Variants in KRT7 observed in about 807,000 individuals in gnomAD.
KRT7 encodes keratin, type II cytoskeletal 7.
In KRT7, 50 loss-of-function variants were observed where a neutral mutation model predicts 42.8. The ratio of observed to expected loss-of-function variants is 1.17; its 90% confidence interval spans 0.93 to 1.48. The LOEUF is 1.48. Among genes scored for constraint, KRT7 ranks in the 40% most tolerant of loss-of-function variants. The pLI is 0.00. For synonymous variants in KRT7, 268 were observed against 266.3 expected, an observed-to-expected ratio of 1.01 and a Z score of -0.06; for missense variants, 588 against 637.6, an observed-to-expected ratio of 0.92 and a Z score of 0.84.
chr12:52,241,338 C>T lies in KRT7; in HGVS notation c.694-134C>T, dbSNP rs1023628547. 14 of 709,082 alleles carry T rather than the reference C, an allele frequency of 2.0e-5. No individual in the cohort carries two copies. In the Admixed American group the frequency reaches 4.1e-4, roughly 21 times the overall value. 43.9% of individuals were successfully genotyped at this position (709,082 alleles called of 1,614,324 possible). On this transcript the variant is annotated intron_variant, in intron 4 of 8. Transcript: ENST00000331817. ...TAACTTAATGTGTGCTGGGTCTGGG[C>T]CCCCTTGCTGCCTGGTGACTCAGCC...
At chr12:52,245,853 AATG>A in intron 7 of KRT7, 1 of 606,512 alleles carries the variant, frequency 1.6e-6, no homozygotes, top group Non-Finnish European at 2.9e-6. Context: ...GGCAGGTTGA[AATG>A]ATAACAGTCC....
intron 1 of KRT7, among the ~76,000 whole-genome samples, chr12:52,233,873 C>T (rs939325421): frequency 6.6e-6 from 1 of 152,120 alleles, no homozygotes; most frequent in East Asian, 1.9e-4. Context: ...TCCCGGAGTG[C>T]GGGCCTGAGT....
intron 7 of KRT7, 98 bp from the exon 8 acceptor site, chr12:52,248,072 GAAAAATC>G: frequency 8.8e-7 from 1 of 1,131,532 alleles, no homozygotes; most frequent in Non-Finnish European, 1.3e-6. Flanking sequence ...GGGCAAGAAG[GAAAAATC>G]AATGATCCTG....
In KRT7 at chr12:52,237,536, A is replaced by G. The variant is rs1285071448; in HGVS notation, c.564A>G (p.Thr188=). The change falls in exon 3 of 9, where the codon ACA becomes ACG. Residue 188 remains threonine (T), a synonymous_variant. Transcript: ENST00000331817. ...ACGAAGATGAAATTAACCACCGCACAGCTGCTGAGAATGAGTTTGTGGTGC... is the reference window on the plus strand; with the variant it reads ...ACGAAGATGAAATTAACCACCGCACGGCTGCTGAGAATGAGTTTGTGGTGC... The part of the protein sequence containing the change: ...NKYEDEINHR[T]AAENEFVVLK... 2 of 1,612,282 alleles carry G rather than the reference A, an allele frequency of 1.2e-6. No individual in the cohort carries two copies. The highest frequency in any genetic ancestry group is 3.3e-5 in the Admixed American group (2 of 59,866).
chr12:52,241,385 T>C, intron 4 of KRT7, 87 bp from the exon 5 acceptor site: 1 of 1,230,956 alleles, frequency 8.1e-7, no homozygotes, highest in Non-Finnish European at 1.1e-6. Flanking sequence ...GTTCTCTCTT[T>C]TCTTTCCTTT....
chr12:52,252,180 G>C, downstream of KRT7: 1 of 1,521,168 alleles, frequency 6.6e-7, no homozygotes, highest in Non-Finnish European at 9.1e-7. Context: ...ATAATATGCA[G>C]ACATGCTCCT....
intron 4 of KRT7, among the ~76,000 whole-genome samples, chr12:52,239,185 A>G (rs945801661): frequency 2.0e-5 from 3 of 152,260 alleles, no homozygotes; most frequent in East Asian, 1.9e-4. Context: ...TTGCAATCCT[A>G]GTCAGCTCAA....
At chr12:52,242,535 G>A (rs1206634605) in intron 5 of KRT7, among the ~76,000 whole-genome samples, 4 of 152,130 alleles carry the variant, frequency 2.6e-5, no homozygotes, top group Non-Finnish European at 5.9e-5. Context: ...GTCTGCCCCT[G>A]CAGAGATAGA....
chr12:52,252,159 A>G (rs575312826), downstream of KRT7: 20 of 1,436,386 alleles, frequency 1.4e-5, no homozygotes, highest in Non-Finnish European at 1.8e-5. Flanking sequence ...GTTGATGCAC[A>G]TTCCAAGTAA....
At chr12:52,249,441 G>C (rs1258984333), downstream of KRT7, 3 of 152,506 alleles carry the variant, frequency 2.0e-5, no homozygotes, top group Admixed American at 6.6e-5. Flanking sequence ...AGTGGTTGTG[G>C]GGGGGAGGTG....
At position 52,248,842 on chromosome 12, in the gene KRT7, C is replaced by T; in HGVS notation, c.*82C>T. Reference sequence around the variant, plus strand: ...CACCCCTGCCTCCCATGCCTGGTCCCAAGACAGTGAGACAGTCTGGAAAGT... The same window carrying T: ...CACCCCTGCCTCCCATGCCTGGTCCTAAGACAGTGAGACAGTCTGGAAAGT... On this transcript the variant is annotated 3_prime_UTR_variant, in exon 9 of 9. Coordinates refer to ENST00000331817, the MANE Select transcript of KRT7 (RefSeq NM_005556.4). 7.5e-7 allele frequency: 1 copy of T among 1,341,996 alleles called. No individual in the cohort carries two copies. Among genetic ancestry groups the T allele is most frequent in the Non-Finnish European group, 9.9e-7 (1 of 1,010,778 alleles). 83.1% of individuals were successfully genotyped at this position (1,341,996 alleles called of 1,614,324 possible).
chr12:52,238,039 C>T (rs1942034934), intron 3 of KRT7, among the ~76,000 whole-genome samples: 1 of 152,180 alleles, frequency 6.6e-6, no homozygotes, highest in African/African-American at 2.4e-5. Context: ...TTAAGATTCT[C>T]TTCAATACAC....
intron 4 of KRT7, among the ~76,000 whole-genome samples, chr12:52,241,212 G>A (rs941245547): frequency 6.6e-6 from 1 of 152,082 alleles, no homozygotes; most frequent in Non-Finnish European, 1.5e-5. Flanking sequence ...TCACCACAGC[G>A]CACCACACTG....
chr12:52,252,534 A>C, downstream of KRT7: 1 of 1,595,142 alleles, frequency 6.3e-7, no homozygotes, highest in Non-Finnish European at 8.5e-7. Flanking sequence ...TCAGGGTCAG[A>C]GGCCAGGTAA....
At chr12:52,241,311 A>T (rs1224039499) in intron 4 of KRT7, among the ~76,000 whole-genome samples, 161 bp from the exon 5 acceptor site, 3 of 152,132 alleles carry the variant, frequency 2.0e-5, no homozygotes, top group Non-Finnish European at 2.9e-5. Context: ...GGCAGAATGA[A>T]GTAACTTAAT....
chr12:52,248,072 G>GA, intron 7 of KRT7, 105 bp from the exon 8 acceptor site: 3 of 1,131,532 alleles, frequency 2.7e-6, no homozygotes, highest in Non-Finnish European at 4.0e-6. Context: ...GGGCAAGAAG[G>GA]AAAAATCAAT....
At chr12:52,250,968 C>A (rs1942258048), downstream of KRT7, among the ~76,000 whole-genome samples, 1 of 152,120 alleles carries the variant, frequency 6.6e-6, no homozygotes, top group African/African-American at 2.4e-5. Flanking sequence ...CGAGGGTGGC[C>A]AACCTTTTTT....
At chr12:52,235,821 G>C (rs1477916703) in intron 2 of KRT7, among the ~76,000 whole-genome samples, 1 of 152,184 alleles carries the variant, frequency 6.6e-6, no homozygotes, top group East Asian at 1.9e-4. Flanking sequence ...CACTGGGAGA[G>C]CTGGGACTTG....
At chr12:52,234,986 T>A (rs1941989186) in intron 1 of KRT7, among the ~76,000 whole-genome samples, 169 bp from the exon 2 acceptor site, 2 of 152,236 alleles carry the variant, frequency 1.3e-5, no homozygotes, top group African/African-American at 4.8e-5. Flanking sequence ...TGGATCACTC[T>A]GTAGGACACT....
Sources: gnomAD v4.1 joint callset for allele counts (sites outside exome capture counted in the v4.1 genomes callset) on GRCh38, gnomAD v4.1.1 for gene constraint, MANE v1.5 for transcripts, NCBI Gene and HGNC (gene_info 2026-07-23, HGNC 2026-07-21) for gene names.